The following DSG4 variants were observed in gnomAD, a reference collection of about 807,000 sequenced individuals.
DSG4 encodes desmoglein 4.
Under a neutral mutation model 93.1 loss-of-function variants are expected in DSG4, and 87 were observed. The ratio of observed to expected loss-of-function variants is 0.93; its 90% CI spans 0.79 to 1.12. The LOEUF (loss-of-function observed/expected upper bound fraction) is 1.12, where lower values mean the gene tolerates loss of function less well. DSG4 is among the 50% of genes most tolerant of loss of function. The pLI, the probability that DSG4 is intolerant of heterozygous loss-of-function variation, is 0.00. For synonymous variants in DSG4, 432 were observed against 452.9 expected (o/e 0.95, Z 0.59); for missense variants, 1,373 against 1,285.7 (o/e 1.07, Z -1.04).
intron 14 of DSG4, 150 bp downstream of exon 14, chr18:31,409,958 C>T (rs2072468105): frequency 4.5e-6 from 4 of 882,256 alleles, no homozygotes; most frequent in African/African-American, 1.7e-5. Flanking sequence ...TTGAAGTAGC[C>T]ACTTTTTTTT....
Position 31,376,959 on chromosome 18 carries a change from G to GGTAA in DSG4, c.48+4_48+7dup. ...ACATTTGCCTTTTGATCATTCTAAT[G>GGTAA]GTAAGTAGAATTTAAAGAGGTGGGA... On this transcript the variant is annotated frameshift_variant and splice_region_variant. Coordinates refer to ENST00000308128, the MANE Select transcript of DSG4 (RefSeq NM_177986.5). LOFTEE classifies it high-confidence loss of function. 6.2e-7 allele frequency: 1 copy of GGTAA among 1,613,240 alleles called. No homozygotes were observed. The highest frequency in any genetic ancestry group is 8.5e-7 in the Non-Finnish European group (1 of 1,179,488).
At chr18:31,390,881 A>G in intron 6 of DSG4, 59 bp downstream of exon 6, 1 of 1,576,022 alleles carries the variant, frequency 6.3e-7, no homozygotes, top group Non-Finnish European at 8.6e-7. Flanking sequence ...AGACAAAGAT[A>G]AAATGATCCA....
At chr18:31,407,955 G>T (rs2072445741) in intron 12 of DSG4, among the ~76,000 whole-genome samples, 1 of 152,198 alleles carries the variant, frequency 6.6e-6, no homozygotes, top group African/African-American at 2.4e-5. Flanking sequence ...GCAGTTCAGG[G>T]CTAAAAACCC....
intron 14 of DSG4, among the ~76,000 whole-genome samples, chr18:31,410,805 C>T (rs1475305513): frequency 6.6e-6 from 1 of 152,188 alleles, no homozygotes; most frequent in Non-Finnish European, 1.5e-5. Context: ...GACTGAACAT[C>T]CCTGTGAGCC....
At chr18:31,404,692 C>T (rs2072405667) in intron 11 of DSG4, among the ~76,000 whole-genome samples, 1 of 152,114 alleles carries the variant, frequency 6.6e-6, no homozygotes, top group South Asian at 2.1e-4. Flanking sequence ...TACCATCAAA[C>T]CTTTAGCTCT....
intron 10 of DSG4, 142 bp downstream of exon 10, chr18:31,401,162 T>C (rs1431589572): frequency 1.6e-6 from 1 of 631,928 alleles, no homozygotes; most frequent in Admixed American, 3.6e-5. Flanking sequence ...ACACCTTAAA[T>C]CAAGAATTGA....
chr18:31,391,096 C>T lies in DSG4; in HGVS notation c.703C>T (p.Leu235=), dbSNP rs367712480. Reference sequence around the variant, plus strand: ...GATTAAGCAACACAGTATGTACAACCTGGTTGTGAGAGGCTCAGATCGGGA... The same window carrying T: ...GATTAAGCAACACAGTATGTACAACTTGGTTGTGAGAGGCTCAGATCGGGA... The part of the protein sequence containing the change: ...LDREQHSMYN[L]VVRGSDRDGA... Residue 235 remains leucine, a synonymous_variant, in exon 7 of 16, where the codon CTG becomes TTG. Transcript: ENST00000308128. 2 of 1,613,528 alleles carry T rather than the reference C, an allele frequency of 1.2e-6. No homozygotes were observed. The highest frequency in any genetic ancestry group is 1.7e-6 in the Non-Finnish European group (2 of 1,179,732).
At position 31,413,698 on chromosome 18, in the gene DSG4, T is replaced by C. The variant is rs878881515; in HGVS notation, c.*103T>C. ...ACCATATATATTAATAGTCAACAAA[T>C]ACTCAGATATTCTAAGGTCAATGCC... On this transcript the variant is annotated 3_prime_UTR_variant, in exon 16 of 16. Transcript: ENST00000308128. 18 of 1,423,986 alleles carry C rather than the reference T, an allele frequency of 1.3e-5. 1 individual carries two copies. In the South Asian group the frequency reaches 2.1e-4, roughly 17 times the overall value. 88.2% of individuals were successfully genotyped at this position (1,423,986 alleles called of 1,614,324 possible).
At chr18:31,379,647 A>T (rs975424668) in intron 1 of DSG4, among the ~76,000 whole-genome samples, 2 of 152,196 alleles carry the variant, frequency 1.3e-5, no homozygotes, top group African/African-American at 4.8e-5. Context: ...AATTCTTGGA[A>T]GTTAAAAAGG....
intron 10 of DSG4, 35 bp from the exon 11 acceptor site, chr18:31,403,381 A>T: frequency 6.4e-7 from 1 of 1,554,224 alleles, no homozygotes; most frequent in East Asian, 2.3e-5. Context: ...CCCTAACACC[A>T]TTTACCTCAA....
At chr18:31,398,964 C>T (rs1284800658) in intron 8 of DSG4, among the ~76,000 whole-genome samples, 2 of 151,856 alleles carry the variant, frequency 1.3e-5, no homozygotes, top group East Asian at 1.9e-4. Flanking sequence ...TTCATAAACA[C>T]CTCATTTGGA....
chr18:31,411,336 G>T lies in DSG4; in HGVS notation c.2243G>T (p.Gly748Val), dbSNP rs776040352. 6.2e-7 allele frequency: 1 copy of T among 1,611,126 alleles called. No individual in the cohort carries two copies. ...MGTAVGLMAA[G>V]AAGASGAARK... ...ACAGCCGTTGGCCTCATGGCCGCAG[G>T]GGCCGCAGGAGCCTCAGGGGCCGCA... The change falls in exon 15 of 16, where the codon GGG becomes GTG. Residue 748 changes from glycine to valine, a missense_variant. By Grantham distance (109) the Gly-to-Val change is moderately radical. Coordinates refer to ENST00000308128, the MANE Select transcript of DSG4 (RefSeq NM_177986.5).
At chr18:31,377,064 C>T (rs1410603221) in intron 1 of DSG4, 105 bp downstream of exon 1, 4 of 1,243,312 alleles carry the variant, frequency 3.2e-6, no homozygotes, top group East Asian at 5.0e-5. Context: ...TAATCTCCTT[C>T]CTGCAAAGAG....
intron 1 of DSG4, among the ~76,000 whole-genome samples, chr18:31,381,882 G>T (rs568807403): frequency 1.5e-4 from 23 of 149,848 alleles, no homozygotes; most frequent in Non-Finnish European, 2.2e-4. Flanking sequence ...TGTTGGCTAG[G>T]CTGGTCTCAA....
intron 7 of DSG4, 113 bp from the exon 8 acceptor site, chr18:31,392,042 G>T: frequency 1.0e-6 from 1 of 990,610 alleles, no homozygotes; most frequent in South Asian, 1.5e-5. Context: ...TAATAATGGT[G>T]CAAAAATCAT....
chr18:31,406,133 C>G lies in DSG4; in HGVS notation c.1693C>G (p.Pro565Ala), dbSNP rs756285219. The change falls in exon 12 of 16, where the codon CCA (proline) becomes GCA (alanine). Residue 565 changes from proline (P) to alanine (A), a missense_variant. Transcript: ENST00000308128. ...QVLSPGFYEI[P>A]ILVKDSYNRA... ...TTTATCTCCAGGATTTTATGAAATC[C>G]CAATCCTGGTGAAGGACAGCTATAA... 1 of 1,614,042 alleles carries G rather than the reference C, an allele frequency of 6.2e-7. No homozygotes were observed. Among genetic ancestry groups the G allele is most frequent in the Non-Finnish European group, 8.5e-7 (1 of 1,180,008 alleles).
chr18:31,400,868 T>C lies in DSG4; in HGVS notation c.1278-13T>C, dbSNP rs16961847. ...ATAAAAGCATGATAACGAACTTTTT[T>C]ATTTAAAAACAGATATATCATAGGG... On this transcript the variant is annotated splice_polypyrimidine_tract_variant and intron_variant, in intron 9 of 15. Coordinates refer to ENST00000308128, the MANE Select transcript of DSG4 (RefSeq NM_177986.5). The C allele has an allele frequency of 1.1e-3, 1,709 of 1,611,254 alleles. 13 individuals are homozygous for C. The African/African-American group carries it at 0.02, about 19-fold the overall frequency.
intron 4 of DSG4, 80 bp from the exon 5 acceptor site, chr18:31,388,794 C>A: frequency 1.2e-6 from 2 of 1,603,464 alleles, no homozygotes; most frequent in Non-Finnish European, 1.7e-6. Flanking sequence ...TGTTTCTTTG[C>A]CTATTTTCTG....
At chr18:31,391,347 C>G (rs375090363) in intron 7 of DSG4, 135 bp downstream of exon 7, 3 of 1,258,104 alleles carry the variant, frequency 2.4e-6, no homozygotes, top group Non-Finnish European at 2.3e-6. Context: ...GTTATAGAAA[C>G]TTTGGAATTT....
Sources: gnomAD v4.1 joint callset for allele counts (sites outside exome capture counted in the v4.1 genomes callset) on GRCh38, gnomAD v4.1.1 for gene constraint, MANE v1.5 for transcripts, NCBI Gene and HGNC (gene_info 2026-07-23, HGNC 2026-07-21) for gene names.